Variants in ENTHD1 observed in about 807,000 individuals in gnomAD.
ENTHD1 encodes ENTH domain containing 1, also known as ENTH domain-containing protein 1.
Under a neutral mutation model 39.1 loss-of-function variants are expected in ENTHD1, and 23 were observed. The observed-to-expected ratio is 0.59, with a 90% CI of 0.42 to 0.83. The LOEUF is 0.83. Among genes scored for constraint, ENTHD1 ranks in the 40% least tolerant of loss-of-function variants. The probability of loss-of-function intolerance (pLI) is 0.00; values close to 1 mark genes in which losing one functional copy is unlikely to be tolerated. For synonymous variants in ENTHD1, 230 were observed against 258.2 expected (o/e 0.89, Z 1.05); for missense variants, 624 against 705.4 (o/e 0.88, Z 1.31).
intron 5 of ENTHD1, among the ~76,000 whole-genome samples, chr22:39,812,660 T>C (rs1241917088): frequency 6.6e-6 from 1 of 152,198 alleles, no homozygotes; most frequent in Non-Finnish European, 1.5e-5. Context: ...CTCACCAAGG[T>C]GACCTGGCTG....
chr22:39,887,127 T>C (rs1480955699), intron 2 of ENTHD1, among the ~76,000 whole-genome samples: 1 of 152,188 alleles, frequency 6.6e-6, no homozygotes, highest in East Asian at 1.9e-4. Context: ...TACATTTAAG[T>C]ACAACTCTTC....
At chr22:39,818,197 T>C (rs2065748903) in intron 5 of ENTHD1, among the ~76,000 whole-genome samples, 1 of 152,188 alleles carries the variant, frequency 6.6e-6, no homozygotes, top group South Asian at 2.1e-4. Flanking sequence ...AAAGACCACA[T>C]GAAGAGGCTC....
At chr22:39,749,000 C>T (rs2065128389) in intron 6 of ENTHD1, among the ~76,000 whole-genome samples, 1 of 152,180 alleles carries the variant, frequency 6.6e-6, no homozygotes, top group African/African-American at 2.4e-5. Context: ...ATTTAGCCAC[C>T]TTTCTTTTGC....
chr22:39,833,856 A>G (rs2065888369), intron 4 of ENTHD1, among the ~76,000 whole-genome samples: 1 of 151,762 alleles, frequency 6.6e-6, no homozygotes, highest in African/African-American at 2.4e-5. Flanking sequence ...AGAAAGAGGA[A>G]AGAAAAGAAA....
chr22:39,872,803 T>C (rs889846807), intron 2 of ENTHD1, among the ~76,000 whole-genome samples: 15 of 151,814 alleles, frequency 9.9e-5, no homozygotes, highest in Admixed American at 3.3e-4. Flanking sequence ...AATGAAAAGC[T>C]ACAATGGCAA....
chr22:39,886,637 A>G (rs1407992823), intron 2 of ENTHD1, among the ~76,000 whole-genome samples: 4 of 152,166 alleles, frequency 2.6e-5, no homozygotes, highest in African/African-American at 9.7e-5. Flanking sequence ...CATGATTCAT[A>G]AGACTATTCA....
At position 39,887,665 on chromosome 22, in the gene ENTHD1, G is replaced by A. The variant is rs2066390795; in HGVS notation, c.84C>T (p.Asp28=). 13 of 1,603,288 alleles carry A rather than the reference G, an allele frequency of 8.1e-6. No individual in the cohort carries two copies. The East Asian group carries it at 2.7e-4, about 33-fold the overall frequency. Residue 28 remains aspartate, a synonymous_variant, in exon 2 of 7, where the codon GAC becomes GAT. Transcript: ENST00000325157. ...EIKVREATSN[D]PWGPSSSLML... is the part of the protein sequence containing the mutation. ...TCAGAGAACTAGAGGGACCCCAAGG[G>A]TCGTTAGAAGTTGCTTCCCTGACTT...
At chr22:39,842,275 C>T (rs1243808566) in intron 3 of ENTHD1, among the ~76,000 whole-genome samples, 2 of 151,996 alleles carry the variant, frequency 1.3e-5, no homozygotes, top group Admixed American at 1.3e-4. Flanking sequence ...TGAATCTGAA[C>T]GTCGGCCTGC....
At chr22:39,834,841 A>G (rs1001631972) in intron 4 of ENTHD1, among the ~76,000 whole-genome samples, 1 of 152,228 alleles carries the variant, frequency 6.6e-6, no homozygotes. Context: ...GCCCCCCAGG[A>G]GCATTACACT....
At chr22:39,866,180 T>C (rs1176327315) in intron 2 of ENTHD1, among the ~76,000 whole-genome samples, 1 of 152,040 alleles carries the variant, frequency 6.6e-6, no homozygotes, top group Non-Finnish European at 1.5e-5. Context: ...AATGAACAAG[T>C]AGACAGCCAA....
At chr22:39,831,084 A>G (rs952142820) in intron 4 of ENTHD1, among the ~76,000 whole-genome samples, 9 of 152,198 alleles carry the variant, frequency 5.9e-5, no homozygotes, top group African/African-American at 2.2e-4. Context: ...TCAATTCAAG[A>G]TAGGAGTGCT....
rs142513927 is a variant in ENTHD1, at chr22:39,806,967, C to T, written c.832+14026G>A. On this transcript the variant is annotated intron_variant, in intron 5 of 6. Coordinates refer to ENST00000325157, the MANE Select transcript of ENTHD1 (RefSeq NM_152512.4). The stretch of plus-strand genomic sequence containing the variant: ...AGCAGTTCAGTGTACCAAGCTGGAA[C>T]ATCAGAGGCTGGGGGAAGAAAGGAG... Among the ~76,000 whole-genome samples, 312 of 152,196 alleles carry T rather than the reference C, an allele frequency of 2.0e-3. 2 individuals are homozygous for T. The highest frequency in any genetic ancestry group is 7.1e-3 in the African/African-American group (294 of 41,530).
chr22:39,849,506 GAACT>G (rs1447361635), intron 3 of ENTHD1, among the ~76,000 whole-genome samples: 1 of 152,170 alleles, frequency 6.6e-6, no homozygotes, highest in Non-Finnish European at 1.5e-5. Context: ...AATTTGGAGA[GAACT>G]GACATGTTTA....
chr22:39,821,009 A>G lies in ENTHD1; in HGVS notation c.816T>C (p.Cys272=). 6.2e-7 allele frequency: 1 copy of G among 1,614,086 alleles called. No individual in the cohort carries two copies. Among genetic ancestry groups the G allele is most frequent in the Non-Finnish European group, 8.5e-7 (1 of 1,179,958 alleles). ...CCAATTTACCTGCACCCGAAAGATT[A>G]CAAACTTCTTCTGCTTCTGACAAGC... ...ITCLSEAEEV[C]NLSGADAVPT... The change falls in exon 5 of 7, where the codon TGT becomes TGC. Residue 272 remains cysteine (C), a synonymous_variant. Transcript: ENST00000325157.
chr22:39,766,056 A>G (rs1240840530), intron 5 of ENTHD1, among the ~76,000 whole-genome samples: 1 of 150,900 alleles, frequency 6.6e-6, no homozygotes, highest in African/African-American at 2.4e-5. Context: ...AAAAGAAAGA[A>G]AAAGAAAAGC....
Position 39,886,780 on chromosome 22 carries a change from C to T in ENTHD1, c.349+620G>A, listed in dbSNP as rs553816923. ...CCTACTGCACCTCCTCTTCCGCCCCCGAAAGAATTATTTTATGATCTAAAT... is the reference window on the plus strand; with the variant it reads ...CCTACTGCACCTCCTCTTCCGCCCCTGAAAGAATTATTTTATGATCTAAAT... On this transcript the variant is annotated intron_variant, in intron 2 of 6. Transcript: ENST00000325157. Among the ~76,000 whole-genome samples the T allele has an allele frequency of 9.2e-5, 14 of 152,178 alleles. No homozygotes were observed. In the East Asian group the frequency reaches 9.7e-4, roughly 11 times the overall value.
chr22:39,853,106 G>T (rs931333241), intron 3 of ENTHD1, among the ~76,000 whole-genome samples: 4 of 152,068 alleles, frequency 2.6e-5, no homozygotes, highest in Middle Eastern at 3.2e-3. Flanking sequence ...CAACTACTTT[G>T]CAGTACAGCA....
At chr22:39,754,539 G>A (rs990480662) in intron 6 of ENTHD1, among the ~76,000 whole-genome samples, 1 of 152,166 alleles carries the variant, frequency 6.6e-6, no homozygotes, top group African/African-American at 2.4e-5. Context: ...ACAGTGTGTG[G>A]CACACAAAGG....
At chr22:39,783,649 A>G (rs184410257) in intron 5 of ENTHD1, among the ~76,000 whole-genome samples, 1 of 152,314 alleles carries the variant, frequency 6.6e-6, no homozygotes, top group East Asian at 1.9e-4. Flanking sequence ...CACAATGAAA[A>G]AAAGACAGTC....
Sources: allele counts gnomAD v4.1 joint callset (sites outside exome capture counted in the v4.1 genomes callset), GRCh38; gene constraint gnomAD v4.1.1; transcripts MANE v1.5; gene names NCBI Gene and HGNC (gene_info 2026-07-23, HGNC 2026-07-21).